The following SLC35D4 variants were observed in gnomAD, a reference collection of about 807,000 sequenced individuals.
SLC35D4 encodes solute carrier family 35 member D4, also known as UDP-N-acetylglucosamine transporter SLC35D4.
the SLC35D4 span, among the ~76,000 whole-genome samples, chr18:23,318,196 T>G: frequency 4.6e-5 from 7 of 152,322 alleles, no homozygotes; most frequent in Non-Finnish European, 7.4e-5. Context: ...CTAATGACAC[T>G]AAGCATCTTT....
At chr18:23,371,923 C>CTTATTTGTTTTTTT in the SLC35D4 span, among the ~76,000 whole-genome samples, 28 of 111,588 alleles carry the variant, frequency 2.5e-4, no homozygotes, top group Non-Finnish European at 4.2e-4. Context: ...TTATTTCTTC[C>CTTATTTGTTTTTTT]TTGTTTTTTT....
At chr18:23,373,665 A>G in the SLC35D4 span, 8 of 1,603,784 alleles carry the variant, frequency 5.0e-6, no homozygotes, top group African/African-American at 8.0e-5. Context: ...CCCAGGCTTC[A>G]GAGAATAAAA....
chr18:23,376,975 T>G, the SLC35D4 span: 39 of 456,112 alleles, frequency 8.6e-5, 2 homozygotes, highest in South Asian at 6.0e-4. Context: ...GGTGGGGGAT[T>G]GGATGAAAGC....
At chr18:23,414,109 G>A in the SLC35D4 span, among the ~76,000 whole-genome samples, 1 of 151,634 alleles carries the variant, frequency 6.6e-6, no homozygotes, top group Non-Finnish European at 1.5e-5. Context: ...ACAAAAATTA[G>A]CCGGGCATGG....
At chr18:23,329,359 A>G in the SLC35D4 span, among the ~76,000 whole-genome samples, 1 of 152,240 alleles carries the variant, frequency 6.6e-6, no homozygotes, top group Admixed American at 6.5e-5. Context: ...CAAATTTACA[A>G]GAAAAAAACA....
chr18:23,433,795 A>C, the SLC35D4 span, among the ~76,000 whole-genome samples: 1 of 152,200 alleles, frequency 6.6e-6, no homozygotes, highest in African/African-American at 2.4e-5. Flanking sequence ...GGAGAAAATT[A>C]CACTAAAAAA....
chr18:23,380,033 A>G, the SLC35D4 span, among the ~76,000 whole-genome samples: 1 of 152,040 alleles, frequency 6.6e-6, no homozygotes, highest in Non-Finnish European at 1.5e-5. Context: ...GGAGGCGGAG[A>G]TTGCAGTGAA....
the SLC35D4 span, among the ~76,000 whole-genome samples, chr18:23,314,666 A>T: frequency 7.9e-5 from 12 of 152,248 alleles, no homozygotes; most frequent in African/African-American, 1.2e-4. Context: ...AAGAAGACCT[A>T]AGAAATAGTC....
chr18:23,392,774 C>A, the SLC35D4 span, among the ~76,000 whole-genome samples: 2 of 152,184 alleles, frequency 1.3e-5, no homozygotes, highest in Non-Finnish European at 2.9e-5. Flanking sequence ...CCCAAGTCCA[C>A]TAACTGAATT....
At chr18:23,408,816 C>CTTTTTTT in the SLC35D4 span, among the ~76,000 whole-genome samples, 3 of 114,836 alleles carry the variant, frequency 2.6e-5, no homozygotes, top group Non-Finnish European at 5.7e-5. Context: ...TCTTATCTCT[C>CTTTTTTT]TTTTTTTTTT....
chr18:23,375,666 C>T, the SLC35D4 span, among the ~76,000 whole-genome samples: 2 of 152,134 alleles, frequency 1.3e-5, no homozygotes, highest in Non-Finnish European at 1.5e-5. Flanking sequence ...TGGGTGGGGC[C>T]AGAAGCTGAA....
chr18:23,361,763 T>C, the SLC35D4 span, among the ~76,000 whole-genome samples: 1 of 152,200 alleles, frequency 6.6e-6, no homozygotes, highest in African/African-American at 2.4e-5. Context: ...ATTATGAAAA[T>C]ATAACTTGAA....
At chr18:23,346,870 C>T in the SLC35D4 span, among the ~76,000 whole-genome samples, 1 of 152,154 alleles carries the variant, frequency 6.6e-6, no homozygotes, top group Non-Finnish European at 1.5e-5. Context: ...TGAGATAAAT[C>T]TCACTTGATT....
chr18:23,318,886 C>A, the SLC35D4 span, among the ~76,000 whole-genome samples: 1 of 152,206 alleles, frequency 6.6e-6, no homozygotes, highest in African/African-American at 2.4e-5. Context: ...CTCTGTCACC[C>A]AGGCTGGAGT....
chr18:23,376,349 C>A, the SLC35D4 span, among the ~76,000 whole-genome samples: 11 of 152,194 alleles, frequency 7.2e-5, no homozygotes, highest in Non-Finnish European at 1.2e-4. Flanking sequence ...CAGCACTGAC[C>A]GGCTGGGCCA....
the SLC35D4 span, chr18:23,253,004 C>T: frequency 6.2e-7 from 1 of 1,613,794 alleles, no homozygotes; most frequent in Non-Finnish European, 8.5e-7. Context: ...TCAAGAAGGA[C>T]ATGAACGAGA....
the SLC35D4 span, among the ~76,000 whole-genome samples, chr18:23,361,299 C>T: frequency 1.3e-5 from 2 of 152,044 alleles, no homozygotes; most frequent in African/African-American, 4.8e-5. Context: ...TCATCCAACA[C>T]ACACTCAGGC....
the SLC35D4 span, among the ~76,000 whole-genome samples, chr18:23,379,223 A>C: frequency 6.6e-6 from 1 of 151,528 alleles, no homozygotes; most frequent in East Asian, 1.9e-4. Context: ...TCCTGGGTTC[A>C]AGCGATTCTC....
chr18:23,399,846 TC>T, the SLC35D4 span, among the ~76,000 whole-genome samples: 2 of 152,290 alleles, frequency 1.3e-5, no homozygotes, highest in African/African-American at 4.8e-5. Flanking sequence ...TACAATCCCA[TC>T]ATTACTGATC....
Sources: allele counts gnomAD v4.1 joint callset (sites outside exome capture counted in the v4.1 genomes callset), GRCh38; gene constraint gnomAD v4.1.1; transcripts MANE v1.5; gene names NCBI Gene and HGNC (gene_info 2026-07-23, HGNC 2026-07-21).